TAX1BP1: variants seen among roughly 807,000 people sequenced by gnomAD.
The protein encoded by TAX1BP1 is tax1-binding protein 1.
In TAX1BP1, 62 loss-of-function variants were observed where a neutral mutation model predicts 97.7. The observed-to-expected ratio is 0.63, with a 90% CI of 0.52 to 0.78. The LOEUF is 0.78. Ranked by LOEUF, TAX1BP1 falls within the 30% of genes least tolerant of loss-of-function variation. The probability of loss-of-function intolerance (pLI) is 0.00; values close to 1 mark genes in which losing one functional copy is unlikely to be tolerated. For synonymous variants in TAX1BP1, 340 were observed against 304.2 expected (o/e 1.12, Z -1.23); for missense variants, 867 against 916.1 (o/e 0.95, Z 0.69).
rs543211365 is a variant in TAX1BP1, at chr7:27,744,152, A to T, written c.-8+3883A>T. On this transcript the variant is annotated intron_variant, in intron 1 of 16. Coordinates refer to ENST00000396319, the MANE Select transcript of TAX1BP1 (RefSeq NM_006024.7). ...TATTTATTTTTTATTTTTGAGACGG[A>T]GTCTCGCTGTCACCCAGGCTGGAGT... 3.0e-4 allele frequency among the ~76,000 whole-genome samples: 45 copies of T among 151,874 alleles called. No homozygotes were observed. In the South Asian group the frequency reaches 3.7e-3, roughly 13 times the overall value.
intron 5 of TAX1BP1, among the ~76,000 whole-genome samples, chr7:27,771,636 A>G (rs1788853605): frequency 6.6e-6 from 1 of 152,018 alleles, no homozygotes; most frequent in Non-Finnish European, 1.5e-5. Flanking sequence ...GGGATTAATG[A>G]AGCAAAACTT....
chr7:27,785,260 A>T lies in TAX1BP1; in HGVS notation c.710A>T (p.Asp237Val), dbSNP rs1200240156. Residue 237 changes from aspartate (D) to valine (V), a missense_variant, in exon 6 of 17, where the codon GAT (aspartate) becomes GTT (valine). Physicochemically the swap from Asp to Val is radical, Grantham distance 152. Coordinates refer to ENST00000396319, the MANE Select transcript of TAX1BP1 (RefSeq NM_006024.7). ...ATSKAHQLEE[D>V]IVSVTHKAIE... ...TCCAAAGCCCATCAGCTTGAGGAAG[A>T]TATTGTGTCAGTAACACATAAAGCA... The T allele has an allele frequency of 3.1e-6, 5 of 1,613,486 alleles. No homozygotes were observed. Among genetic ancestry groups the T allele is most frequent in the Non-Finnish European group, 4.2e-6 (5 of 1,179,658 alleles).
Position 27,766,052 on chromosome 7 carries a change from T to A in TAX1BP1, c.453+31T>A, listed in dbSNP as rs1271074742. On this transcript the variant is annotated intron_variant, in intron 4 of 16. Transcript: ENST00000396319. ...TGTTCACAGTGAGATAGTGATTCAT[T>A]GATAATTTTAAGAACAGAGCTCATG... The A allele has an allele frequency of 2.5e-6, 4 of 1,592,048 alleles. No individual in the cohort carries two copies. In the Admixed American group the frequency reaches 7.0e-5, roughly 28 times the overall value.
intron 5 of TAX1BP1, chr7:27,772,141 A>G (rs1583690240): frequency 7.7e-6 from 1 of 130,348 alleles, no homozygotes; most frequent in East Asian, 2.1e-4. Flanking sequence ...TTACTAGTCA[A>G]TGGACTTTTA....
chr7:27,770,654 G>T, intron 5 of TAX1BP1, among the ~76,000 whole-genome samples: 1 of 152,192 alleles, frequency 6.6e-6, no homozygotes, highest in East Asian at 1.9e-4. Flanking sequence ...TAAATGAACC[G>T]CTAGTGCAGT....
chr7:27,788,478 ATAAT>A (rs902351188), intron 8 of TAX1BP1, among the ~76,000 whole-genome samples: 1 of 152,020 alleles, frequency 6.6e-6, no homozygotes, highest in Admixed American at 6.6e-5. Context: ...TATGTTGGTA[ATAAT>A]TAATGATAGA....
At chr7:27,828,231 G>T (rs1791259911) in intron 16 of TAX1BP1, among the ~76,000 whole-genome samples, 1 of 152,176 alleles carries the variant, frequency 6.6e-6, no homozygotes, top group South Asian at 2.1e-4. Context: ...TTGAGAACCA[G>T]TGCCATAAAA....
chr7:27,750,720 T>C (rs1000478459), intron 2 of TAX1BP1, among the ~76,000 whole-genome samples: 9 of 152,236 alleles, frequency 5.9e-5, no homozygotes, highest in African/African-American at 2.2e-4. Flanking sequence ...TCCTGCAGAC[T>C]ACTTGTTTAT....
intron 15 of TAX1BP1, among the ~76,000 whole-genome samples, chr7:27,824,064 C>G (rs927575748): frequency 3.9e-5 from 6 of 152,078 alleles, no homozygotes; most frequent in Admixed American, 1.3e-4. Flanking sequence ...GTGAATAATG[C>G]TGCTATGAAC....
Position 27,828,837 on chromosome 7 carries a change from TTATTA to T in TAX1BP1, c.*10_*14del, listed in dbSNP as rs1562751663. ...GTTCTAAATTTTGACTAGTTACTTT[TTATTA>T]TGAGTTAATATAGTTTAGCAGTAAA... On this transcript the variant is annotated 3_prime_UTR_variant, in exon 17 of 17. Coordinates refer to ENST00000396319, the MANE Select transcript of TAX1BP1 (RefSeq NM_006024.7). The T allele has an allele frequency of 6.2e-7, 1 of 1,602,314 alleles. No homozygotes were observed. Among genetic ancestry groups the T allele is most frequent in the East Asian group, 2.2e-5 (1 of 44,798 alleles).
At chr7:27,747,434 T>C (rs1011087602) in intron 1 of TAX1BP1, among the ~76,000 whole-genome samples, 2 of 152,246 alleles carry the variant, frequency 1.3e-5, no homozygotes, top group East Asian at 3.8e-4. Flanking sequence ...GTGTGTATTT[T>C]ATTAACACTA....
At chr7:27,785,652 T>TAA (rs1269762803) in intron 7 of TAX1BP1, among the ~76,000 whole-genome samples, 163 bp downstream of exon 7, 2 of 152,180 alleles carry the variant, frequency 1.3e-5, no homozygotes, top group African/African-American at 4.8e-5. Flanking sequence ...TGCAGTCAGC[T>TAA]AAGGGCTTGA....
At chr7:27,786,139 T>G (rs1381587686) in intron 7 of TAX1BP1, among the ~76,000 whole-genome samples, 8 of 151,640 alleles carry the variant, frequency 5.3e-5, no homozygotes, top group African/African-American at 1.9e-4. Context: ...TGAATTTTTT[T>G]TTTTTTTTTT....
At chr7:27,801,012 G>A (rs1008570099) in intron 13 of TAX1BP1, among the ~76,000 whole-genome samples, 1 of 151,212 alleles carries the variant, frequency 6.6e-6, no homozygotes, top group Non-Finnish European at 1.5e-5. Flanking sequence ...GCTGAGGCAG[G>A]AGAATCGCTT....
chr7:27,825,397 T>C (rs1791140122), intron 15 of TAX1BP1, among the ~76,000 whole-genome samples: 1 of 152,210 alleles, frequency 6.6e-6, no homozygotes, highest in South Asian at 2.1e-4. Flanking sequence ...ATTTTGCCTG[T>C]CAATATCATG....
chr7:27,752,300 G>A (rs1480379367), intron 2 of TAX1BP1, among the ~76,000 whole-genome samples: 1 of 152,216 alleles, frequency 6.6e-6, no homozygotes, highest in Non-Finnish European at 1.5e-5. Flanking sequence ...AAGGTCATAT[G>A]TTAAAAGTTG....
intron 2 of TAX1BP1, among the ~76,000 whole-genome samples, chr7:27,756,883 A>T (rs1788238987): frequency 6.6e-6 from 1 of 152,150 alleles, no homozygotes; most frequent in Non-Finnish European, 1.5e-5. Flanking sequence ...AGAACAAAGT[A>T]AATTGTAAGA....
intron 15 of TAX1BP1, among the ~76,000 whole-genome samples, chr7:27,824,756 G>C (rs903583664): frequency 3.3e-5 from 5 of 152,026 alleles, no homozygotes; most frequent in Admixed American, 1.3e-4. Flanking sequence ...TGTGCTGATG[G>C]GTGTAAACAT....
In TAX1BP1 at chr7:27,828,881, AC is replaced by A. The variant is rs748309489; in HGVS notation, c.*54del. The A allele has an allele frequency of 9.4e-4, 1,255 of 1,328,716 alleles. No homozygotes were observed. The highest frequency in any genetic ancestry group is 1.4e-3 in the African/African-American group (91 of 66,508). The allele number at this position is 1,328,716 out of a possible 1,614,324, so 82.3% of individuals were successfully genotyped here. On this transcript the variant is annotated 3_prime_UTR_variant, in exon 17 of 17. Transcript: ENST00000396319. ...TTTAGCAGTAAAAAAAAAAAAAAAA[AC>A]CACACCTAAAATAGACCACTGAGGA...
Sources: allele counts gnomAD v4.1 joint callset (sites outside exome capture counted in the v4.1 genomes callset), GRCh38; gene constraint gnomAD v4.1.1; transcripts MANE v1.5; gene names NCBI Gene and HGNC (gene_info 2026-07-23, HGNC 2026-07-21).